PCDHA8: variants seen among roughly 807,000 people sequenced by gnomAD.
PCDHA8 encodes the protein protocadherin alpha-8.
Under a neutral mutation model 61.8 loss-of-function variants are expected in PCDHA8, and 53 were observed. That is an observed-to-expected ratio of 0.86 (90% CI 0.69 to 1.08). The LOEUF (loss-of-function observed/expected upper bound fraction) is 1.08. PCDHA8 is among the 50% of genes least tolerant of loss of function. The pLI is 0.00. For synonymous variants in PCDHA8, 618 were observed against 556.6 expected (o/e 1.11, Z -1.55); for missense variants, 1,293 against 1,245.0 (o/e 1.04, Z -0.58).
chr5:140,882,423 T>C (rs1554174072), intron 1 of PCDHA8: 2 of 1,614,052 alleles, frequency 1.2e-6, no homozygotes, highest in African/African-American at 2.7e-5. Context: ...GCTCAGGACC[T>C]GGGGCTGGAG....
At chr5:140,860,557 G>C (rs146943384) in intron 1 of PCDHA8, 1 of 152,036 alleles carries the variant, frequency 6.6e-6, no homozygotes, top group African/African-American at 2.4e-5. Context: ...CTTTGAAGAG[G>C]TACTGATCAT....
chr5:140,968,932 A>G, intron 1 of PCDHA8: 3 of 1,614,164 alleles, frequency 1.9e-6, no homozygotes, highest in Non-Finnish European at 2.5e-6. Flanking sequence ...TTCTTTTGAC[A>G]ATCATCATTT....
intron 1 of PCDHA8, chr5:140,884,752 A>G (rs954313403): frequency 1.1e-5 from 16 of 1,429,736 alleles, no homozygotes; most frequent in East Asian, 2.5e-5. Context: ...CCAATTTCAA[A>G]TTATTCTTTA....
chr5:140,865,854 C>T (rs1029695094), intron 1 of PCDHA8: 1 of 152,144 alleles, frequency 6.6e-6, no homozygotes, highest in Non-Finnish European at 1.5e-5. Context: ...TTTCTCTGCT[C>T]AAACATGGTC....
chr5:140,921,168 C>A (rs1260180010), intron 1 of PCDHA8, among the ~76,000 whole-genome samples: 1 of 151,534 alleles, frequency 6.6e-6, no homozygotes, highest in Non-Finnish European at 1.5e-5. Context: ...TTTTAACACA[C>A]ATAAAGCACA....
intron 1 of PCDHA8, chr5:140,855,837 C>A (rs2043640312): frequency 3.3e-6 from 2 of 610,842 alleles, no homozygotes; most frequent in Non-Finnish European, 5.6e-6. Flanking sequence ...ATCGTACTTA[C>A]ACCTAAAGCC....
intron 1 of PCDHA8, chr5:140,867,201 T>C (rs1554161078): frequency 6.6e-6 from 1 of 152,156 alleles, no homozygotes; most frequent in African/African-American, 2.4e-5. Context: ...CCACATTCCA[T>C]GTAACATCTT....
intron 1 of PCDHA8, chr5:140,882,727 A>G (rs1554175345): frequency 6.2e-7 from 1 of 1,614,250 alleles, no homozygotes. Context: ...CTCGATTTCC[A>G]CTAGATGGCG....
At chr5:140,931,852 G>A (rs1177917853) in intron 1 of PCDHA8, among the ~76,000 whole-genome samples, 1 of 151,728 alleles carries the variant, frequency 6.6e-6, no homozygotes, top group Admixed American at 6.6e-5. Flanking sequence ...AATAACAACA[G>A]GATTCTAGAA....
In PCDHA8 at chr5:140,950,041, A is replaced by G. The variant is rs139296187; in HGVS notation, c.2395-28908A>G. Among the ~76,000 whole-genome samples, 1,151 of 152,070 alleles carry G rather than the reference A, an allele frequency of 7.6e-3. 13 individuals carry two copies. The highest frequency in any genetic ancestry group is 0.01 in the Non-Finnish European group (711 of 67,812). On this transcript the variant is annotated intron_variant, in intron 1 of 3. Transcript: ENST00000531613. ...CATAAAATATAGAAAAGTTACAACC[A>G]TATAAGACTATTTAGCTCTTCCTGT... is the stretch of plus-strand genomic sequence containing the variant.
chr5:140,850,804 T>G (rs2150498986), intron 1 of PCDHA8: 1 of 1,598,410 alleles, frequency 6.3e-7, no homozygotes, highest in Admixed American at 1.7e-5. Flanking sequence ...ACCGACCTCA[T>G]GGCCTTCAGC....
At chr5:140,942,619 TAA>T (rs35075175) in intron 1 of PCDHA8, among the ~76,000 whole-genome samples, 10 of 148,966 alleles carry the variant, frequency 6.7e-5, no homozygotes, top group Middle Eastern at 3.4e-3. Context: ...TTGCCAATTG[TAA>T]AAAAAAAAAT....
intron 1 of PCDHA8, chr5:140,966,454 C>G (rs897696652): frequency 1.6e-5 from 7 of 426,406 alleles, no homozygotes; most frequent in Non-Finnish European, 1.6e-5. Flanking sequence ...TCCCCCTCCC[C>G]CTCTGTCTTC....
chr5:140,908,307 C>T (rs782169692), intron 1 of PCDHA8, among the ~76,000 whole-genome samples: 43 of 152,180 alleles, frequency 2.8e-4, no homozygotes, highest in Non-Finnish European at 1.3e-4. Context: ...GAAGGAAGGG[C>T]GGCAGGAGTG....
intron 1 of PCDHA8, among the ~76,000 whole-genome samples, chr5:140,948,446 G>A (rs1445406552): frequency 6.6e-6 from 1 of 151,446 alleles, no homozygotes; most frequent in Non-Finnish European, 1.5e-5. Flanking sequence ...CTGTGCCAGG[G>A]ATTTTCTTTT....
chr5:140,845,311 A>G (rs1384736573), intron 1 of PCDHA8, among the ~76,000 whole-genome samples: 1 of 149,364 alleles, frequency 6.7e-6, no homozygotes, highest in Non-Finnish European at 1.5e-5. Flanking sequence ...CCTGGTTCTC[A>G]GGTATTACTT....
At chr5:141,004,030 C>T (rs1337271425) in intron 3 of PCDHA8, among the ~76,000 whole-genome samples, 1 of 152,204 alleles carries the variant, frequency 6.6e-6, no homozygotes, top group Non-Finnish European at 1.5e-5. Flanking sequence ...GAAACATTTC[C>T]TTGATTGATC....
At chr5:140,869,256 C>T in intron 1 of PCDHA8, 2 of 1,613,586 alleles carry the variant, frequency 1.2e-6, no homozygotes, top group Non-Finnish European at 1.7e-6. Flanking sequence ...TCGCGCAGGA[C>T]CTGGGGCTGG....
chr5:140,981,959 A>C (rs76200785), intron 2 of PCDHA8, among the ~76,000 whole-genome samples: 3,104 of 152,312 alleles, frequency 0.02, 114 homozygotes, highest in African/African-American at 0.071. Flanking sequence ...TCATCTATGC[A>C]TAAAAGATAT....
Sources: gnomAD v4.1 joint callset for allele counts (sites outside exome capture counted in the v4.1 genomes callset) on GRCh38, gnomAD v4.1.1 for gene constraint, MANE v1.5 for transcripts, NCBI Gene and HGNC (gene_info 2026-07-23, HGNC 2026-07-21) for gene names.